The following TPRG1 variants were observed in gnomAD, a reference collection of about 807,000 sequenced individuals.
The protein encoded by TPRG1 is tumor protein p63-regulated gene 1 protein.
TPRG1 carries 29 observed loss-of-function variants against 29.3 expected under a neutral mutation model. The observed-to-expected ratio is 0.99, with a 90% CI of 0.74 to 1.35. TPRG1 has a LOEUF of 1.35. Among genes scored for constraint, TPRG1 ranks in the 40% most tolerant of loss-of-function variants. TPRG1 has a pLI of 0.00. For synonymous variants in TPRG1, 130 were observed against 116.8 expected (o/e 1.11, Z -0.73); for missense variants, 327 against 335.0 (o/e 0.98, Z 0.19).
At chr3:189,056,031 CCCTTCCTTCCTTCCTTCCTTCCTTCCTT>C (rs1192339496) in intron 4 of TPRG1, among the ~76,000 whole-genome samples, 21 of 58,436 alleles carry the variant, frequency 3.6e-4, no homozygotes, top group Admixed American at 1.1e-3. Context: ...TTCCCTCCCT[CCCTTCCTTCCTTCCTTCCTTCCTTCCTT>C]CCTTCCTTCC....
chr3:189,088,756 C>T (rs919287687), intron 4 of TPRG1, among the ~76,000 whole-genome samples: 1 of 152,068 alleles, frequency 6.6e-6, no homozygotes, highest in African/African-American at 2.4e-5. Context: ...CTTTGAAAAT[C>T]GTCTCAAGTA....
chr3:189,226,699 AAAC>A (rs1459964239), intron 3 of TPRG1, among the ~76,000 whole-genome samples: 1 of 124,176 alleles, frequency 8.1e-6, no homozygotes, highest in African/African-American at 4.1e-5. Context: ...TGAAAAAATT[AAAC>A]AAAAAAAACC....
chr3:189,285,310 T>C (rs912694483), intron 4 of TPRG1, among the ~76,000 whole-genome samples: 4 of 152,170 alleles, frequency 2.6e-5, no homozygotes, highest in African/African-American at 9.7e-5. Flanking sequence ...CACTTGTGAA[T>C]GTTTCCTGCC....
chr3:189,233,612 C>A (rs1050439446), intron 3 of TPRG1, among the ~76,000 whole-genome samples: 3 of 152,168 alleles, frequency 2.0e-5, no homozygotes, highest in South Asian at 4.1e-4. Context: ...CGGGCTCTCA[C>A]AACAGAGGGA....
chr3:189,241,889 A>C (rs1164039739), intron 4 of TPRG1, among the ~76,000 whole-genome samples: 1 of 152,204 alleles, frequency 6.6e-6, no homozygotes, highest in Non-Finnish European at 1.5e-5. Flanking sequence ...CTGTAAGTCC[A>C]ATTAAACCTC....
chr3:189,197,699 C>T (rs1732768794), intron 1 of TPRG1, among the ~76,000 whole-genome samples: 2 of 152,078 alleles, frequency 1.3e-5, no homozygotes, highest in South Asian at 4.1e-4. Flanking sequence ...AGGGGAATTT[C>T]AATATTGGAC....
At chr3:189,099,021 G>T (rs1018605143), upstream of TPRG1, among the ~76,000 whole-genome samples, 2 of 152,078 alleles carry the variant, frequency 1.3e-5, no homozygotes, top group Admixed American at 1.3e-4. Context: ...TGCTACAGCC[G>T]CAGCTCCTCT....
chr3:189,301,697 A>C (rs1240564003), intron 4 of TPRG1, among the ~76,000 whole-genome samples: 2 of 151,968 alleles, frequency 1.3e-5, no homozygotes, highest in Non-Finnish European at 2.9e-5. Flanking sequence ...GCCCAGCCCC[A>C]CTCTTGGCCT....
chr3:189,304,116 G>GTTTTTTTTT (rs67456701), intron 4 of TPRG1, among the ~76,000 whole-genome samples: 1 of 137,052 alleles, frequency 7.3e-6, no homozygotes. Flanking sequence ...GTTAACTCTT[G>GTTTTTTTTT]TTTTTTTTTT....
At chr3:189,153,083 A>G (rs1467813975) in intron 5 of TPRG1, among the ~76,000 whole-genome samples, 2 of 152,238 alleles carry the variant, frequency 1.3e-5, no homozygotes, top group African/African-American at 2.4e-5. Flanking sequence ...ACTTAAATGT[A>G]ATATTCCTCT....
intron 2 of TPRG1, among the ~76,000 whole-genome samples, chr3:189,128,252 G>A (rs371864323): frequency 2.0e-4 from 30 of 152,308 alleles, no homozygotes; most frequent in Non-Finnish European, 3.2e-4. Context: ...AGCATGGGCC[G>A]CCATGGCCCT....
chr3:189,270,017 ATCTTCTTCTTCTTCTTCTTCTTCT>A (rs72453037), intron 4 of TPRG1, among the ~76,000 whole-genome samples: 161 of 148,812 alleles, frequency 1.1e-3, no homozygotes, highest in African/African-American at 3.9e-3. Flanking sequence ...TCTTCTCTGG[ATCTTCTTCTTCTTCTTCTTCTTCT>A]TCTTCTTCTT....
intron 1 of TPRG1, among the ~76,000 whole-genome samples, chr3:189,181,870 T>C (rs1964486): frequency 0.56 from 84,725 of 152,038 alleles, 25,026 homozygotes; most frequent in African/African-American, 0.76. Flanking sequence ...GGGCAATTTA[T>C]GAAAGAAAGA....
intron 4 of TPRG1, among the ~76,000 whole-genome samples, chr3:189,289,654 G>A (rs1051861318): frequency 2.6e-5 from 4 of 152,106 alleles, no homozygotes; most frequent in Admixed American, 6.5e-5. Flanking sequence ...CTTCTTTAAC[G>A]TGCCTAATAC....
chr3:189,110,471 A>C (rs1350075756), intron 1 of TPRG1, among the ~76,000 whole-genome samples: 2 of 151,714 alleles, frequency 1.3e-5, no homozygotes, highest in Non-Finnish European at 2.9e-5. Flanking sequence ...ATTTGGAAAA[A>C]TTTTCTCTCA....
At chr3:189,172,309 G>A (rs535249197) in intron 1 of TPRG1, among the ~76,000 whole-genome samples, 178 bp downstream of exon 1, 2 of 151,884 alleles carry the variant, frequency 1.3e-5, no homozygotes, top group South Asian at 2.1e-4. Context: ...ACTGTCCAGG[G>A]TTGATGAGGC....
At chr3:189,155,267 T>C (rs753335515) in intron 5 of TPRG1, among the ~76,000 whole-genome samples, 8 of 152,150 alleles carry the variant, frequency 5.3e-5, no homozygotes, top group Non-Finnish European at 1.0e-4. Context: ...GCAGAAAAAC[T>C]GGTTAGGAAG....
At chr3:189,234,515 G>T (rs939295826) in intron 3 of TPRG1, among the ~76,000 whole-genome samples, 1 of 152,080 alleles carries the variant, frequency 6.6e-6, no homozygotes, top group African/African-American at 2.4e-5. Flanking sequence ...CACTATTTTG[G>T]CATGAACATT....
At chr3:189,021,800 TCTC>T (rs1419809162) in intron 3 of TPRG1, among the ~76,000 whole-genome samples, 1 of 152,154 alleles carries the variant, frequency 6.6e-6, no homozygotes, top group African/African-American at 2.4e-5. Context: ...TTGGGGAAGT[TCTC>T]CTGGATAATA....
Sources: allele counts gnomAD v4.1 joint callset (sites outside exome capture counted in the v4.1 genomes callset), GRCh38; gene constraint gnomAD v4.1.1; transcripts MANE v1.5; gene names NCBI Gene and HGNC (gene_info 2026-07-23, HGNC 2026-07-21).